ACSBG1: variants seen among roughly 807,000 people sequenced by gnomAD.
ACSBG1 encodes the protein acyl-CoA synthetase bubblegum family member 1.
ACSBG1 carries 39 observed loss-of-function variants against 80.2 expected under a neutral mutation model. The observed-to-expected ratio is 0.49, with a 90% CI of 0.38 to 0.64. The LOEUF is 0.64. Ranked by LOEUF, ACSBG1 falls within the 30% of genes least tolerant of loss-of-function variation. The probability of loss-of-function intolerance (pLI) is 0.00; values close to 1 mark genes in which losing one functional copy is unlikely to be tolerated. For missense variants in ACSBG1, 828 were observed against 966.4 expected, an observed-to-expected ratio of 0.86 and a Z score of 1.90; for synonymous variants, 392 against 379.5, an observed-to-expected ratio of 1.03 and a Z score of -0.38.
At chr15:78,210,682 C>G (rs1325764474) in intron 1 of ACSBG1, among the ~76,000 whole-genome samples, 1 of 152,176 alleles carries the variant, frequency 6.6e-6, no homozygotes, top group African/African-American at 2.4e-5. Flanking sequence ...GGCACAATCA[C>G]CACTCACTGC....
chr15:78,178,902 G>T lies in ACSBG1; in HGVS notation c.1485-71C>A. 2.0e-6 allele frequency: 3 copies of T among 1,464,604 alleles called. No homozygotes were observed. The highest frequency in any genetic ancestry group is 2.7e-6 in the Non-Finnish European group (3 of 1,093,188). 90.7% of individuals were successfully genotyped at this position (1,464,604 alleles called of 1,614,324 possible). Reference sequence around the variant, plus strand: ...TCCAAGCCCCCACTGGGGAGCCGGGGTCCCAACTGCTCGGTCTTCACTGAT... The same window carrying T: ...TCCAAGCCCCCACTGGGGAGCCGGGTTCCCAACTGCTCGGTCTTCACTGAT... On this transcript the variant is annotated intron_variant, in intron 10 of 13. Transcript: ENST00000258873. The surrounding 1 kb of genome is among the most constrained non-coding windows in gnomAD (Gnocchi z 4.3).
intron 5 of ACSBG1, among the ~76,000 whole-genome samples, chr15:78,190,961 C>A (rs1595887598): frequency 6.6e-6 from 1 of 152,142 alleles, no homozygotes; most frequent in East Asian, 1.9e-4. Flanking sequence ...GCTATTTATA[C>A]AAATTTCATC....
chr15:78,219,912 G>A (rs894183527), intron 1 of ACSBG1, among the ~76,000 whole-genome samples: 4 of 152,130 alleles, frequency 2.6e-5, no homozygotes, highest in Admixed American at 1.3e-4. Flanking sequence ...TGAACCTGGA[G>A]GCGGAGCTTG....
intron 1 of ACSBG1, chr15:78,209,053 G>C (rs2075244369): frequency 2.3e-6 from 1 of 442,242 alleles, no homozygotes; most frequent in Non-Finnish European, 4.5e-6. Context: ...GTGTCCCTGA[G>C]GGTAGGACCC....
At chr15:78,174,223 G>A (rs542941697) in intron 12 of ACSBG1, among the ~76,000 whole-genome samples, 162 bp downstream of exon 12, 3 of 152,172 alleles carry the variant, frequency 2.0e-5, no homozygotes, top group African/African-American at 7.2e-5. Flanking sequence ...GAATTTCCAC[G>A]TGCCACAGTT....
intron 1 of ACSBG1, among the ~76,000 whole-genome samples, chr15:78,209,404 G>C (rs1203945395): frequency 6.6e-6 from 1 of 152,202 alleles, no homozygotes; most frequent in African/African-American, 2.4e-5. Flanking sequence ...CCATTGCTAT[G>C]GCGACCCACT....
intron 5 of ACSBG1, among the ~76,000 whole-genome samples, chr15:78,187,771 G>A (rs1290118848): frequency 1.3e-5 from 2 of 152,280 alleles, no homozygotes; most frequent in South Asian, 2.1e-4. Context: ...GCACAAGACA[G>A]GGATGCCCTC....
intron 1 of ACSBG1, among the ~76,000 whole-genome samples, chr15:78,220,363 C>T (rs934286903): frequency 6.6e-6 from 1 of 152,118 alleles, no homozygotes; most frequent in African/African-American, 2.4e-5. Context: ...AATGCTAGAA[C>T]TGTAAAAATA....
intron 1 of ACSBG1, chr15:78,213,820 T>TA (rs1273259885): frequency 1.3e-5 from 2 of 152,336 alleles, no homozygotes; most frequent in East Asian, 3.8e-4. Flanking sequence ...TAAGCACATG[T>TA]ACTATGCCGA....
At position 78,172,120 on chromosome 15, in the gene ACSBG1, G is replaced by T. The variant is rs1335097769; in HGVS notation, c.2090-591C>A. 6.6e-6 allele frequency among the ~76,000 whole-genome samples: 1 copy of T among 152,236 alleles called. No individual in the cohort carries two copies. The highest frequency in any genetic ancestry group is 1.5e-5 in the Non-Finnish European group (1 of 68,040). The stretch of plus-strand genomic sequence containing the variant: ...GACAGCCACGTAAGTGAGCGCGGAG[G>T]TGAGCCTCAGCTGCAAGTGACTGCA... On this transcript the variant is annotated intron_variant, in intron 13 of 13. Transcript: ENST00000258873. The surrounding 1 kb of genome is among the most constrained non-coding windows in gnomAD (Gnocchi z 4.1).
intron 7 of ACSBG1, 147 bp from the exon 8 acceptor site, chr15:78,182,292 T>C: frequency 7.7e-7 from 1 of 1,304,902 alleles, no homozygotes; most frequent in Non-Finnish European, 1.0e-6. Flanking sequence ...AGGCCTCCCC[T>C]CCCCCTTGCT....
intron 1 of ACSBG1, among the ~76,000 whole-genome samples, chr15:78,232,761 T>C (rs2075457631): frequency 6.6e-6 from 1 of 151,886 alleles, no homozygotes; most frequent in African/African-American, 2.4e-5. Flanking sequence ...CTTGACTCAC[T>C]GCAATTTCCA....
rs144541341 is a variant in ACSBG1, at chr15:78,175,928, C to T, written c.1703-1404G>A. 1.3e-3 allele frequency among the ~76,000 whole-genome samples: 197 copies of T among 150,934 alleles called. 2 individuals carry two copies. The highest frequency in any genetic ancestry group is 4.2e-3 in the African/African-American group (174 of 41,412). ...CTGCCCTTTTCTCCTCACTACGGCCCTCTGCATTCTTACCAGCATCTTTTA... is the reference window on the plus strand; with the variant it reads ...CTGCCCTTTTCTCCTCACTACGGCCTTCTGCATTCTTACCAGCATCTTTTA... On this transcript the variant is annotated intron_variant, in intron 11 of 13. Transcript: ENST00000258873.
intron 5 of ACSBG1, among the ~76,000 whole-genome samples, chr15:78,190,758 C>T (rs1382084595): frequency 1.3e-5 from 2 of 151,862 alleles, no homozygotes; most frequent in Admixed American, 6.6e-5. Context: ...TTGGAGAGTA[C>T]ACTGTGATAA....
Position 78,176,919 on chromosome 15 carries a change from C to A in ACSBG1, c.1702+1695G>T, listed in dbSNP as rs536438517. Among the ~76,000 whole-genome samples the A allele has an allele frequency of 3.9e-5, 6 of 152,066 alleles. No individual in the cohort carries two copies. In the East Asian group the frequency reaches 1.2e-3, roughly 29 times the overall value. Reference sequence around the variant, plus strand: ...CTCCAGCCTGGGCAACAAAGCGAGACCCTGTTTCAAAAATAAATAAATAAA... The same window carrying A: ...CTCCAGCCTGGGCAACAAAGCGAGAACCTGTTTCAAAAATAAATAAATAAA... On this transcript the variant is annotated intron_variant, in intron 11 of 13. Coordinates refer to ENST00000258873, the MANE Select transcript of ACSBG1 (RefSeq NM_015162.5).
At chr15:78,210,231 TAAC>T (rs2075256069) in intron 1 of ACSBG1, among the ~76,000 whole-genome samples, 1 of 152,200 alleles carries the variant, frequency 6.6e-6, no homozygotes, top group Non-Finnish European at 1.5e-5. Flanking sequence ...AGCATCAGTT[TAAC>T]AAGAACACCT....
intron 1 of ACSBG1, among the ~76,000 whole-genome samples, chr15:78,222,097 A>T (rs1232599335): frequency 6.6e-6 from 1 of 152,246 alleles, no homozygotes. Context: ...TGTTCACATA[A>T]TGGAATATTA....
At position 78,178,898 on chromosome 15, in the gene ACSBG1, C is replaced by T. The variant is rs1029567316; in HGVS notation, c.1485-67G>A. 185 of 1,495,982 alleles carry T rather than the reference C, an allele frequency of 1.2e-4. 1 individual carries two copies. The highest frequency in any genetic ancestry group is 2.0e-4 in the Middle Eastern group (1 of 5,040). The allele number at this position is 1,495,982 out of a possible 1,614,324, so 92.7% of individuals were successfully genotyped here. On this transcript the variant is annotated intron_variant, in intron 10 of 13. Coordinates refer to ENST00000258873, the MANE Select transcript of ACSBG1 (RefSeq NM_015162.5). The surrounding 1 kb of genome is among the most constrained non-coding windows in gnomAD (Gnocchi z 4.3). ...CTCCTCCAAGCCCCCACTGGGGAGC[C>T]GGGGTCCCAACTGCTCGGTCTTCAC...
At chr15:78,207,945 A>ACC in intron 2 of ACSBG1, 57 bp downstream of exon 2, 1 of 699,514 alleles carries the variant, frequency 1.4e-6, no homozygotes, top group Admixed American at 2.2e-5. Flanking sequence ...CCTCCAGCAC[A>ACC]CCCAGCACAG....
Sources: allele counts gnomAD v4.1 joint callset (sites outside exome capture counted in the v4.1 genomes callset), GRCh38; gene constraint gnomAD v4.1.1; non-coding constraint Gnocchi (gnomAD v3.1); transcripts MANE v1.5; gene names NCBI Gene and HGNC (gene_info 2026-07-23, HGNC 2026-07-21).